The following NLRP14 variants were observed in gnomAD, a reference collection of about 807,000 sequenced individuals.
The protein encoded by NLRP14 is NACHT, LRR and PYD domains-containing protein 14.
NLRP14 carries 105 observed loss-of-function variants against 94.7 expected under a neutral mutation model. The ratio of observed to expected loss-of-function variants is 1.11; its 90% CI spans 0.95 to 1.30. NLRP14 has a LOEUF of 1.30. Among genes scored for constraint, NLRP14 ranks in the 50% most tolerant of loss-of-function variants. The probability of loss-of-function intolerance (pLI) is 0.00; values close to 1 mark genes in which losing one functional copy is unlikely to be tolerated. For synonymous variants in NLRP14, 508 were observed against 459.9 expected (o/e 1.10, Z -1.34); for missense variants, 1,362 against 1,254.1 (o/e 1.09, Z -1.30).
the NLRP14 span, among the ~76,000 whole-genome samples, chr11:7,086,406 C>G: frequency 6.6e-6 from 1 of 152,194 alleles, no homozygotes; most frequent in South Asian, 2.1e-4. Flanking sequence ...CCTAATCTAC[C>G]CTCCACACAG....
chr11:7,067,287 T>C (rs1429846291), intron 10 of NLRP14, among the ~76,000 whole-genome samples: 1 of 152,208 alleles, frequency 6.6e-6, no homozygotes, highest in African/African-American at 2.4e-5. Flanking sequence ...ATAAATTACT[T>C]TGAGCAGTAT....
intron 5 of NLRP14, among the ~76,000 whole-genome samples, chr11:7,048,820 C>T (rs1272524403): frequency 1.3e-5 from 2 of 152,110 alleles, no homozygotes; most frequent in African/African-American, 2.4e-5. Context: ...GGGATGACAC[C>T]ATGATGACTG....
At chr11:7,057,298 G>T (rs1388859713) in intron 6 of NLRP14, among the ~76,000 whole-genome samples, 1 of 151,968 alleles carries the variant, frequency 6.6e-6, no homozygotes, top group African/African-American at 2.4e-5. Context: ...CCAACTTCCT[G>T]TCCATTTCTG....
chr11:7,038,582 A>G lies in NLRP14; in HGVS notation c.-5A>G. On this transcript the variant is annotated 5_prime_UTR_variant, in exon 2 of 12. Coordinates refer to ENST00000299481, the MANE Select transcript of NLRP14 (RefSeq NM_176822.4). The stretch of plus-strand genomic sequence containing the variant: ...CCCCCACAGAGGCCTGAATATTTGG[A>G]CAAGATGGCAGATTCATCATCATCT... The G allele has an allele frequency of 6.2e-7, 1 of 1,613,350 alleles. No individual in the cohort carries two copies. Among genetic ancestry groups the G allele is most frequent in the Non-Finnish European group, 8.5e-7 (1 of 1,179,924 alleles).
chr11:7,039,092 G>A (rs1043161221), intron 2 of NLRP14, among the ~76,000 whole-genome samples: 2 of 152,058 alleles, frequency 1.3e-5, no homozygotes, highest in East Asian at 1.9e-4. Context: ...CTTAACTGGC[G>A]GCAATTCATC....
At chr11:7,089,102 G>GAC in the NLRP14 span, 10 of 1,609,674 alleles carry the variant, frequency 6.2e-6, no homozygotes, top group Admixed American at 1.7e-5. Flanking sequence ...GCCACTGACC[G>GAC]ACCGTTCGAC....
chr11:7,089,068 G>A, the NLRP14 span: 19 of 1,579,740 alleles, frequency 1.2e-5, no homozygotes, highest in East Asian at 4.3e-4. Flanking sequence ...GGCTGCGACT[G>A]GCGCCGCCTC....
intron 6 of NLRP14, among the ~76,000 whole-genome samples, chr11:7,052,222 G>C (rs1259165482): frequency 1.3e-5 from 2 of 152,158 alleles, no homozygotes; most frequent in Non-Finnish European, 2.9e-5. Flanking sequence ...AATGATTGTT[G>C]CTTCCACAAA....
chr11:7,049,687 T>C lies in NLRP14; in HGVS notation c.2140T>C (p.Phe714Leu). The C allele has an allele frequency of 6.2e-7, 1 of 1,612,782 alleles. No homozygotes were observed. The highest frequency in any genetic ancestry group is 1.1e-5 in the South Asian group (1 of 91,058). The change falls in exon 6 of 12, where the codon TTC becomes CTC. Residue 714 changes from phenylalanine (F) to leucine (L), a missense_variant. Transcript: ENST00000299481. ...CTTCTGAAGGTTGAAATTTATCACT[T>C]TCCCTGATGGTTGTCAGGATATCTC... ...LQKLLLKFITFPDGCQDISTS... is the reference protein window; with the variant it reads ...LQKLLLKFITLPDGCQDISTS...
the NLRP14 span, among the ~76,000 whole-genome samples, chr11:7,082,208 A>G: frequency 6.6e-6 from 1 of 152,210 alleles, no homozygotes; most frequent in Non-Finnish European, 1.5e-5. Context: ...TGTCTGAGCA[A>G]CATTTTGAGG....
chr11:7,036,468 G>GA (rs1377588304), intron 1 of NLRP14, among the ~76,000 whole-genome samples: 9 of 152,002 alleles, frequency 5.9e-5, no homozygotes, highest in Non-Finnish European at 1.3e-4. Flanking sequence ...GGAGGAAAAT[G>GA]AAAAAAGTGT....
intron 10 of NLRP14, among the ~76,000 whole-genome samples, chr11:7,069,234 T>C (rs573548791): frequency 1.7e-4 from 26 of 152,340 alleles, no homozygotes; most frequent in African/African-American, 6.3e-4. Context: ...GATATTTACA[T>C]ACCCTGTCTC....
At chr11:7,084,904 T>C in the NLRP14 span, among the ~76,000 whole-genome samples, 2 of 152,170 alleles carry the variant, frequency 1.3e-5, no homozygotes, top group Non-Finnish European at 2.9e-5. Flanking sequence ...AATAAGCCCT[T>C]TGAGGTCTGC....
At chr11:7,090,352 A>G in the NLRP14 span, 14 of 1,532,176 alleles carry the variant, frequency 9.1e-6, no homozygotes, top group Middle Eastern at 2.1e-4. Flanking sequence ...TAACAAAAAG[A>G]AGAACCTGTT....
the NLRP14 span, among the ~76,000 whole-genome samples, chr11:7,083,024 C>T: frequency 4.6e-4 from 70 of 152,282 alleles, no homozygotes; most frequent in Non-Finnish European, 7.1e-4. Context: ...AGCCTGTGAC[C>T]ATGAAGTAGG....
chr11:7,070,780 C>A (rs1279325609), intron 11 of NLRP14, among the ~76,000 whole-genome samples: 1 of 152,082 alleles, frequency 6.6e-6, no homozygotes, highest in African/African-American at 2.4e-5. Context: ...AAAATCTACC[C>A]ATAAGGTTAT....
chr11:7,060,392 A>T (rs1056911240), intron 9 of NLRP14, among the ~76,000 whole-genome samples: 1 of 151,932 alleles, frequency 6.6e-6, no homozygotes, highest in Non-Finnish European at 1.5e-5. Context: ...ATTGTTCTCT[A>T]CTAGTTTTTC....
chr11:7,081,819 A>G, the NLRP14 span, among the ~76,000 whole-genome samples: 1 of 152,330 alleles, frequency 6.6e-6, no homozygotes, highest in Non-Finnish European at 1.5e-5. Flanking sequence ...ATCTCATTAT[A>G]TAGACGTGAC....
At chr11:7,080,609 A>G in the NLRP14 span, among the ~76,000 whole-genome samples, 11 of 152,184 alleles carry the variant, frequency 7.2e-5, no homozygotes, top group Non-Finnish European at 1.5e-5. Context: ...AGCCAGAGCT[A>G]TGGTCACACA....
Sources: gnomAD v4.1 joint callset for allele counts (sites outside exome capture counted in the v4.1 genomes callset) on GRCh38, gnomAD v4.1.1 for gene constraint, MANE v1.5 for transcripts, NCBI Gene and HGNC (gene_info 2026-07-23, HGNC 2026-07-21) for gene names.